Variants in LRP1B observed in about 807,000 individuals in gnomAD.
LRP1B encodes low-density lipoprotein receptor-related protein 1B.
A neutral mutation model predicts 556.6 loss-of-function variants in LRP1B; 217 were observed. The ratio of observed to expected loss-of-function variants is 0.39; its 90% CI spans 0.35 to 0.44. The LOEUF (loss-of-function observed/expected upper bound fraction) is 0.44, where lower values mean the gene tolerates loss of function less well. Ranked by LOEUF, LRP1B falls within the 20% of genes least tolerant of loss-of-function variation. LRP1B has a pLI of 1.00. For missense variants in LRP1B, 5,053 were observed against 5,620.8 expected, an observed-to-expected ratio of 0.90 and a Z score of 3.23; for synonymous variants, 2,047 against 1,865.8, an observed-to-expected ratio of 1.10 and a Z score of -2.50.
chr2:141,479,762 C>G (rs202051210), intron 3 of LRP1B, among the ~76,000 whole-genome samples: 2 of 152,112 alleles, frequency 1.3e-5, no homozygotes, highest in Admixed American at 6.6e-5. Context: ...ATTCTCCCCA[C>G]TCCACCCCGC....
chr2:141,846,615 T>C (rs1481939688), intron 1 of LRP1B, among the ~76,000 whole-genome samples: 1 of 151,484 alleles, frequency 6.6e-6, no homozygotes, highest in Admixed American at 6.6e-5. Flanking sequence ...CTTAGCATAA[T>C]ATTAAGTAAT....
intron 34 of LRP1B, among the ~76,000 whole-genome samples, chr2:140,769,564 T>C (rs1689233632): frequency 6.6e-6 from 1 of 151,972 alleles, no homozygotes. Flanking sequence ...TTTGTTAAAA[T>C]AGGAATTTAT....
rs540109597 is a variant in LRP1B at position 140,521,797 on chromosome 2, C to A, written c.8026+4047G>T. Among the ~76,000 whole-genome samples the A allele has an allele frequency of 2.6e-5, 4 of 151,970 alleles. No individual in the cohort carries two copies. The South Asian group carries it at 6.2e-4, about 24-fold the overall frequency. On this transcript the variant is annotated intron_variant, in intron 49 of 90. Coordinates refer to ENST00000389484, the MANE Select transcript of LRP1B (RefSeq NM_018557.3). ...AGAGATCTATCTGACATAATGACAC[C>A]CATAGGCTCAAAGAAAAGGATGGAG...
At position 141,639,388 on chromosome 2, in the gene LRP1B, A is replaced by G. The variant is rs1448878516; in HGVS notation, c.206-158855T>C. On this transcript the variant is annotated intron_variant, in intron 2 of 90. Transcript: ENST00000389484. ...CATATATATATATACACATATATAT[A>G]TACACATATATATATATGTGTATAT... Among the ~76,000 whole-genome samples, 216 of 88,644 alleles carry G rather than the reference A, an allele frequency of 2.4e-3. 5 individuals are homozygous for G. Among genetic ancestry groups the G allele is most frequent in the African/African-American group, 7.4e-3 (207 of 27,886 alleles). 58.2% of individuals were successfully genotyped at this position (88,644 alleles called of 152,430 possible).
intron 2 of LRP1B, among the ~76,000 whole-genome samples, chr2:141,707,905 T>G (rs1692204456): frequency 6.6e-6 from 1 of 152,156 alleles, no homozygotes; most frequent in South Asian, 2.1e-4. Context: ...TACTAAGAAT[T>G]TTTTTAAATT....
chr2:141,724,024 A>G (rs1692939074), intron 2 of LRP1B, among the ~76,000 whole-genome samples: 1 of 151,974 alleles, frequency 6.6e-6, no homozygotes, highest in Non-Finnish European at 1.5e-5. Flanking sequence ...TTAAATGATT[A>G]CTGGAAAGAT....
chr2:140,957,969 AG>A (rs998498525), intron 18 of LRP1B, among the ~76,000 whole-genome samples: 1 of 151,536 alleles, frequency 6.6e-6, no homozygotes, highest in African/African-American at 2.4e-5. Context: ...ATCAGTCACG[AG>A]CTCTACTTCC....
intron 3 of LRP1B, among the ~76,000 whole-genome samples, chr2:141,258,136 G>T (rs117581690): frequency 6.6e-6 from 1 of 152,228 alleles, no homozygotes; most frequent in East Asian, 1.9e-4. Context: ...ATGTAAACAC[G>T]GTGTCTGATC....
rs2105388785 is a variant in LRP1B at position 141,015,695 on chromosome 2, C to T, written c.2190+1G>A. The T allele has an allele frequency of 6.2e-7, 1 of 1,607,660 alleles. No individual in the cohort carries two copies. Among genetic ancestry groups the T allele is most frequent in the Non-Finnish European group, 8.5e-7 (1 of 1,174,996 alleles). ...TAAAAACAGCAGCATTTGTCTTTTA[C>T]CTTCCTGTGAGTCCCATTCAAAAAT... On this transcript the variant is annotated splice_donor_variant, in intron 13 of 90. Coordinates refer to ENST00000389484, the MANE Select transcript of LRP1B (RefSeq NM_018557.3). LOFTEE classifies it high-confidence loss of function.
At chr2:141,902,422 T>C (rs1222017635) in intron 1 of LRP1B, among the ~76,000 whole-genome samples, 1 of 151,974 alleles carries the variant, frequency 6.6e-6, no homozygotes, top group East Asian at 1.9e-4. Context: ...TTAAAATCCA[T>C]TTGACAATAA....
chr2:140,997,264 A>G (rs879269125), intron 15 of LRP1B, among the ~76,000 whole-genome samples: 3 of 152,010 alleles, frequency 2.0e-5, no homozygotes, highest in Non-Finnish European at 4.4e-5. Context: ...TGAATCTCCA[A>G]GGCACTACAA....
chr2:140,261,869 T>C (rs1207301862), intron 86 of LRP1B, among the ~76,000 whole-genome samples: 1 of 152,096 alleles, frequency 6.6e-6, no homozygotes, highest in Non-Finnish European at 1.5e-5. Context: ...GAATTGCTGA[T>C]TTTTTATTTC....
intron 77 of LRP1B, among the ~76,000 whole-genome samples, chr2:140,337,320 A>G (rs887184410): frequency 2.6e-5 from 4 of 151,942 alleles, no homozygotes; most frequent in African/African-American, 9.7e-5. Context: ...TGTTATCCAT[A>G]TAACCAGTGA....
Position 141,150,335 on chromosome 2 carries a change from A to G in LRP1B, c.1013+38086T>C, listed in dbSNP as rs184827969. Among the ~76,000 whole-genome samples, 5 of 152,328 alleles carry G rather than the reference A, an allele frequency of 3.3e-5. No individual in the cohort carries two copies. The East Asian group carries it at 5.8e-4, about 18-fold the overall frequency. On this transcript the variant is annotated intron_variant, in intron 7 of 90. Coordinates refer to ENST00000389484, the MANE Select transcript of LRP1B (RefSeq NM_018557.3). ...CTTAGTATTTGTTGAGAGAATAACT[A>G]TATTTCAGCAGGAAAAAGAAATCTG...
intron 84 of LRP1B, among the ~76,000 whole-genome samples, chr2:140,279,058 T>G (rs13383694): frequency 0.045 from 6,832 of 152,024 alleles, 292 homozygotes; most frequent in African/African-American, 0.11. Context: ...GTAATGTCTT[T>G]GTCCCTTTCT....
intron 7 of LRP1B, among the ~76,000 whole-genome samples, chr2:141,142,980 G>A (rs923131953): frequency 5.5e-5 from 8 of 145,662 alleles, no homozygotes; most frequent in Admixed American, 2.1e-4. Flanking sequence ...CCAGGCTGGA[G>A]TTCAATGGCG....
intron 33 of LRP1B, among the ~76,000 whole-genome samples, chr2:140,771,805 A>G (rs1467016347): frequency 6.6e-6 from 1 of 152,228 alleles, no homozygotes; most frequent in Non-Finnish European, 1.5e-5. Flanking sequence ...AGAGCATGCA[A>G]TGCCATTTAC....
At chr2:142,098,927 TGAG>T (rs538781340) in intron 1 of LRP1B, among the ~76,000 whole-genome samples, 109 of 151,942 alleles carry the variant, frequency 7.2e-4, no homozygotes, top group African/African-American at 2.4e-3. Context: ...TTTGTTAATT[TGAG>T]GAGTTGTTCC....
intron 1 of LRP1B, among the ~76,000 whole-genome samples, chr2:142,041,516 C>T (rs1375615): frequency 0.041 from 6,164 of 151,436 alleles, 207 homozygotes; most frequent in Non-Finnish European, 0.056. Context: ...AAGAAACAAA[C>T]CCTAGATATG....
Sources: allele counts gnomAD v4.1 joint callset (sites outside exome capture counted in the v4.1 genomes callset), GRCh38; gene constraint gnomAD v4.1.1; transcripts MANE v1.5; gene names NCBI Gene and HGNC (gene_info 2026-07-23, HGNC 2026-07-21).